The following LPP variants were observed in gnomAD, a reference collection of about 807,000 sequenced individuals.
LPP encodes the protein LIM domain containing preferred translocation partner in lipoma.
In LPP, 38 loss-of-function variants were observed where a neutral mutation model predicts 60.4. That is an observed-to-expected ratio of 0.63 (90% CI 0.49 to 0.83). The LOEUF is 0.83. Ranked by LOEUF, LPP falls within the 40% of genes least tolerant of loss-of-function variation. LPP has a pLI of 0.00. For missense variants in LPP, 902 were observed against 783.6 expected, an observed-to-expected ratio of 1.15 and a Z score of -1.80; for synonymous variants, 328 against 290.8, an observed-to-expected ratio of 1.13 and a Z score of -1.30.
chr3:188,495,211 AT>A (rs1197163997), intron 5 of LPP, among the ~76,000 whole-genome samples: 19 of 139,256 alleles, frequency 1.4e-4, no homozygotes, highest in East Asian at 2.0e-4. Context: ...ATATATATAT[AT>A]TTTTTTTTGC....
At chr3:188,732,523 C>T (rs1442320094) in intron 8 of LPP, among the ~76,000 whole-genome samples, 12 of 151,692 alleles carry the variant, frequency 7.9e-5, no homozygotes, top group Admixed American at 3.9e-4. Context: ...TTTGGGAGGC[C>T]GAGGCGGGTC....
chr3:188,414,700 G>T (rs753250894), intron 4 of LPP, among the ~76,000 whole-genome samples: 2 of 152,082 alleles, frequency 1.3e-5, no homozygotes, highest in Non-Finnish European at 1.5e-5. Flanking sequence ...ACATTTCAGC[G>T]AAGTACAGGT....
intron 7 of LPP, among the ~76,000 whole-genome samples, chr3:188,698,364 A>T (rs1325331142): frequency 6.6e-6 from 1 of 152,150 alleles, no homozygotes; most frequent in East Asian, 1.9e-4. Flanking sequence ...TTATTATGTC[A>T]AATCTCTAAT....
intron 6 of LPP, among the ~76,000 whole-genome samples, chr3:188,581,407 T>G (rs2150983720): frequency 6.6e-6 from 1 of 152,290 alleles, no homozygotes; most frequent in Non-Finnish European, 1.5e-5. Context: ...TTTGTATTAG[T>G]TTTAAATACA....
intron 7 of LPP, among the ~76,000 whole-genome samples, chr3:188,697,019 T>C: frequency 6.6e-6 from 1 of 152,220 alleles, no homozygotes; most frequent in East Asian, 1.9e-4. Context: ...CTTATCTTCT[T>C]ACCATGTTGA....
At position 188,609,724 on chromosome 3, in the gene LPP, G is replaced by C; in HGVS notation, c.993G>C (p.Gly331=). The part of the protein sequence containing the change: ...GHPNTWKREP[G]YTPPGAGNQN... ...CAAATACCTGGAAACGGGAACCAGG[G>C]TACACTCCTCCTGGAGCAGGGAACC... The change falls in exon 7 of 12, where the codon GGG becomes GGC. Residue 331 remains glycine (G), a synonymous_variant. Transcript: ENST00000617246. The surrounding 1 kb of genome is among the most constrained non-coding windows in gnomAD (Gnocchi z 6.9). The C allele has an allele frequency of 6.2e-7, 1 of 1,614,070 alleles. No homozygotes were observed. The highest frequency in any genetic ancestry group is 8.5e-7 in the Non-Finnish European group (1 of 1,180,008).
intron 8 of LPP, among the ~76,000 whole-genome samples, chr3:188,746,207 A>G (rs944067683): frequency 1.3e-5 from 2 of 152,128 alleles, no homozygotes; most frequent in Non-Finnish European, 2.9e-5. Flanking sequence ...TAATATGTAC[A>G]TATATGGTTT....
intron 9 of LPP, among the ~76,000 whole-genome samples, chr3:188,804,219 T>A (rs1237814134): frequency 4.2e-5 from 5 of 120,354 alleles, no homozygotes; most frequent in African/African-American, 1.6e-4. Flanking sequence ...ATGAAAAAAA[T>A]TATGTTTTCA....
chr3:188,202,735 G>A (rs1731425727), intron 1 of LPP, among the ~76,000 whole-genome samples: 1 of 152,170 alleles, frequency 6.6e-6, no homozygotes. Context: ...GGCTTTCGAG[G>A]TTGGGAGAGG....
At chr3:188,165,471 G>A (rs542508321) in intron 1 of LPP, among the ~76,000 whole-genome samples, 4 of 152,276 alleles carry the variant, frequency 2.6e-5, no homozygotes, top group Non-Finnish European at 4.4e-5. Context: ...ATGGTGCCTT[G>A]AAAAATTAGA....
chr3:188,425,061 G>A (rs929022119), intron 4 of LPP, among the ~76,000 whole-genome samples: 1 of 152,170 alleles, frequency 6.6e-6, no homozygotes, highest in Admixed American at 6.5e-5. Flanking sequence ...TGCCCATTTA[G>A]TATGATATTG....
chr3:188,355,229 G>A (rs1343339801), intron 3 of LPP, among the ~76,000 whole-genome samples: 5 of 152,066 alleles, frequency 3.3e-5, no homozygotes, highest in Admixed American at 2.6e-4. Context: ...TGCTGGTCTC[G>A]AACTCCTGAC....
intron 9 of LPP, among the ~76,000 whole-genome samples, chr3:188,800,609 A>G (rs1424227572): frequency 6.6e-6 from 1 of 152,132 alleles, no homozygotes; most frequent in Admixed American, 6.5e-5. Flanking sequence ...GTATGTTTCC[A>G]TTTTGATACC....
chr3:188,605,578 T>C (rs1333674667), intron 6 of LPP, among the ~76,000 whole-genome samples: 1 of 152,158 alleles, frequency 6.6e-6, no homozygotes, highest in African/African-American at 2.4e-5. Context: ...ACAGAAATTC[T>C]AAAGTCTTCA....
intron 1 of LPP, among the ~76,000 whole-genome samples, chr3:188,200,031 A>AT (rs1553810008): frequency 6.6e-6 from 1 of 152,036 alleles, no homozygotes. Context: ...AAACTGAGAT[A>AT]TTTTTTGTTC....
chr3:188,285,034 T>A (rs955111660), intron 2 of LPP, among the ~76,000 whole-genome samples: 5 of 151,642 alleles, frequency 3.3e-5, no homozygotes, highest in South Asian at 2.1e-4. Flanking sequence ...AAAAAAAAAA[T>A]GAACAAACAG....
chr3:188,551,487 A>G (rs1828111391), intron 6 of LPP, among the ~76,000 whole-genome samples: 1 of 152,246 alleles, frequency 6.6e-6, no homozygotes, highest in Admixed American at 6.5e-5. Flanking sequence ...TTTCAAATTC[A>G]TTTTAATATT....
intron 3 of LPP, among the ~76,000 whole-genome samples, chr3:188,347,039 T>C (rs940420744): frequency 4.8e-4 from 73 of 152,202 alleles, no homozygotes; most frequent in Non-Finnish European, 6.9e-4. Flanking sequence ...AATACATTAT[T>C]GTATATAATC....
intron 4 of LPP, among the ~76,000 whole-genome samples, chr3:188,421,241 T>C (rs573607254): frequency 6.6e-6 from 1 of 152,286 alleles, no homozygotes; most frequent in Admixed American, 6.5e-5. Flanking sequence ...AAATGTCATA[T>C]TTGTTCTGCT....
Sources: gnomAD v4.1 joint callset for allele counts (sites outside exome capture counted in the v4.1 genomes callset) on GRCh38, gnomAD v4.1.1 for gene constraint, Gnocchi (gnomAD v3.1) non-coding constraint, MANE v1.5 for transcripts, NCBI Gene and HGNC (gene_info 2026-07-23, HGNC 2026-07-21) for gene names.